The following DGAT1 variants were observed in gnomAD, a reference collection of about 807,000 sequenced individuals.
DGAT1 encodes ACAT related gene product 1.
In DGAT1, 60 loss-of-function variants were observed where a neutral mutation model predicts 72.6. The observed-to-expected ratio is 0.83, with a 90% CI of 0.67 to 1.02. The LOEUF is 1.02. Ranked by LOEUF, DGAT1 falls within the 50% of genes least tolerant of loss-of-function variation. DGAT1 has a pLI of 0.00. For synonymous variants in DGAT1, 290 were observed against 267.5 expected (o/e 1.08, Z -0.82); for missense variants, 592 against 670.0 (o/e 0.88, Z 1.29).
rs548934291 is a variant in DGAT1, at chr8:144,316,287, G to C, written c.*267C>G. The stretch of plus-strand genomic sequence containing the variant: ...GGCCCCAGGCCCCTGGCAGGCTGAA[G>C]AGGTCACTGGACAGCACTTTATTGA... On this transcript the variant is annotated 3_prime_UTR_variant, in exon 17 of 17. Coordinates refer to ENST00000528718, the MANE Select transcript of DGAT1 (RefSeq NM_012079.6). 4.4e-6 allele frequency: 2 copies of C among 454,172 alleles called. No individual in the cohort carries two copies. Among genetic ancestry groups the C allele is most frequent in the African/African-American group, 2.0e-5 (1 of 50,924 alleles). 28.1% of individuals were successfully genotyped at this position (454,172 alleles called of 1,614,324 possible).
Position 144,316,065 on chromosome 8 carries a change from AC to A in DGAT1, c.*488del. 1 of 387,092 alleles carries A rather than the reference AC, an allele frequency of 2.6e-6. No homozygotes were observed. The highest frequency in any genetic ancestry group is 3.6e-6 in the Non-Finnish European group (1 of 279,574). 24.0% of individuals were successfully genotyped at this position (387,092 alleles called of 1,614,324 possible). ...TTCCCGCACACCCAGCAGGAGTAGC[AC>A]CAGGAGAGGACGCCTGAGCTGAGCT... is the stretch of plus-strand genomic sequence containing the variant. On this transcript the variant is annotated 3_prime_UTR_variant, in exon 17 of 17. Coordinates refer to ENST00000528718, the MANE Select transcript of DGAT1 (RefSeq NM_012079.6).
At position 144,317,972 on chromosome 8, in the gene DGAT1, T is replaced by C. The variant is rs146196839; in HGVS notation, c.797A>G (p.Asn266Ser). 1.5e-3 allele frequency: 2,233 copies of C among 1,519,488 alleles called. 11 individuals are homozygous for C. Among genetic ancestry groups the C allele is most frequent in the Middle Eastern group, 0.014 (79 of 5,598 alleles). The allele number at this position is 1,519,488 out of a possible 1,614,324, so 94.1% of individuals were successfully genotyped here. The change falls in exon 9 of 17, where the codon AAC becomes AGC. Residue 266 changes from asparagine to serine, a missense_variant. Asn to Ser is a conservative substitution (Grantham distance 46). Coordinates refer to ENST00000528718, the MANE Select transcript of DGAT1 (RefSeq NM_012079.6). ...CCGGATGCGGGGAGAGCGGGGAAAG[T>C]TGAGCTCGTAGCACAAGGTGGGGGC... is the stretch of plus-strand genomic sequence containing the variant. Reference protein sequence around the residue: ...LFAPTLCYELNFPRSPRIRKR... With the variant: ...LFAPTLCYELSFPRSPRIRKR...
At position 144,317,126 on chromosome 8, in the gene DGAT1, A is replaced by G. The variant is rs782436476; in HGVS notation, c.1161-17T>C. 3.7e-6 allele frequency: 6 copies of G among 1,612,644 alleles called. No homozygotes were observed. In the East Asian group the frequency reaches 6.7e-5, roughly 18 times the overall value. On this transcript the variant is annotated splice_polypyrimidine_tract_variant and intron_variant, in intron 14 of 16. Coordinates refer to ENST00000528718, the MANE Select transcript of DGAT1 (RefSeq NM_012079.6). ...TAGAAGTGTCTGCAGAGGAGGGGGC[A>G]TGGAAAGCGGTTCAGGTTCACAGCC...
At chr8:144,321,783 C>T (rs1052338428) in intron 1 of DGAT1, among the ~76,000 whole-genome samples, 14 of 152,380 alleles carry the variant, frequency 9.2e-5, no homozygotes, top group Middle Eastern at 3.4e-3. Flanking sequence ...CAGGGTCCAA[C>T]CTGGGGATGG....
rs1554848824 is a variant in DGAT1, at chr8:144,326,608, C to A, written c.29G>T (p.Arg10Leu). ...GCTCGAGGGCCGCGACCCTGTCCTC[C>A]GGCGCCGGGAGCTGCCGCGGTCGCC... MGDRGSSRR[R>L]RTGSRPSSHG... The change falls in exon 1 of 17, where the codon CGG (arginine) becomes CTG (leucine). Residue 10 changes from arginine (R) to leucine (L), a missense_variant. By Grantham distance (102) the Arg-to-Leu change is moderately radical. Coordinates refer to ENST00000528718, the MANE Select transcript of DGAT1 (RefSeq NM_012079.6). The A allele has an allele frequency of 8.2e-7, 1 of 1,212,460 alleles. No homozygotes were observed. Among genetic ancestry groups the A allele is most frequent in the Admixed American group, 4.4e-5 (1 of 22,628 alleles). The allele number at this position is 1,212,460 out of a possible 1,614,324, so 75.1% of individuals were successfully genotyped here.
At chr8:144,324,688 G>C (rs1817550018) in intron 1 of DGAT1, among the ~76,000 whole-genome samples, 1 of 152,184 alleles carries the variant, frequency 6.6e-6, no homozygotes, top group Admixed American at 6.5e-5. Flanking sequence ...GGTTTGCAAA[G>C]CAAGAAGGTG....
rs1463166904 is a variant in DGAT1, at chr8:144,315,316, C to T, written c.*1238G>A. On this transcript the variant is annotated 3_prime_UTR_variant, in exon 17 of 17. Transcript: ENST00000528718. ...GCAGGGCCCAAGGAGATGCCTCCATCTCAGGGCCCACCAGCCCCCACTGGG... is the reference window on the plus strand; with the variant it reads ...GCAGGGCCCAAGGAGATGCCTCCATTTCAGGGCCCACCAGCCCCCACTGGG... The T allele has an allele frequency of 1.1e-5, 11 of 985,488 alleles. No individual in the cohort carries two copies. Among genetic ancestry groups the T allele is most frequent in the Non-Finnish European group, 1.3e-5 (11 of 829,968 alleles). The allele number at this position is 985,488 out of a possible 1,614,324, so 61.0% of individuals were successfully genotyped here.
intron 4 of DGAT1, 27 bp from the exon 5 acceptor site, chr8:144,318,778 G>C (rs1554847739): frequency 6.2e-7 from 1 of 1,607,078 alleles, no homozygotes; most frequent in Non-Finnish European, 8.5e-7. Flanking sequence ...CAAGGGGCAG[G>C]TTTAGGGCCA....
At chr8:144,319,898 G>A (rs1313051135) in intron 2 of DGAT1, among the ~76,000 whole-genome samples, 1 of 152,206 alleles carries the variant, frequency 6.6e-6, no homozygotes, top group Non-Finnish European at 1.5e-5. Context: ...ACTGGTGCTG[G>A]GGAAAAGGGT....
Position 144,316,596 on chromosome 8 carries a change from G to C in DGAT1, c.1425C>G (p.Asp475Glu), listed in dbSNP as rs1031073510. Residue 475 changes from aspartate to glutamate, a missense_variant, in exon 17 of 17, where the codon GAC becomes GAG. Transcript: ENST00000528718. ...GGGCCTCATAGTTGAGCACGTAGTA[G>C]TCGTGGACGTACATGAGGACGGCTA... ...QPIAVLMYVHDYYVLNYEAPA... is the reference protein window; with the variant it reads ...QPIAVLMYVHEYYVLNYEAPA... The C allele has an allele frequency of 1.2e-6, 2 of 1,605,620 alleles. No individual in the cohort carries two copies. The highest frequency in any genetic ancestry group is 1.1e-5 in the South Asian group (1 of 89,570).
intron 1 of DGAT1, among the ~76,000 whole-genome samples, chr8:144,323,376 G>A (rs1268662066): frequency 6.6e-6 from 1 of 152,060 alleles, no homozygotes; most frequent in African/African-American, 2.4e-5. Context: ...GCCCTTCACA[G>A]GCCTGACCAG....
Position 144,315,641 on chromosome 8 carries a change from A to T in DGAT1, c.*913T>A. On this transcript the variant is annotated 3_prime_UTR_variant, in exon 17 of 17. Transcript: ENST00000528718. The stretch of plus-strand genomic sequence containing the variant: ...AGCTTGGTGGATTGCAGGGCCTGGG[A>T]ACAAGGTGTCCTGAAGGCTGCAGGG... 4.1e-6 allele frequency: 4 copies of T among 983,982 alleles called. No homozygotes were observed. In the South Asian group the frequency reaches 1.9e-4, roughly 46 times the overall value. The allele number at this position is 983,982 out of a possible 1,614,324, so 61.0% of individuals were successfully genotyped here. A position where few individuals can be genotyped will look rare whatever the true frequency, so the allele number is the denominator to read the frequency against.
At position 144,317,979 on chromosome 8, in the gene DGAT1, C is replaced by T. The variant is rs1342245507; in HGVS notation, c.790G>A (p.Glu264Lys). 4.0e-6 allele frequency: 6 copies of T among 1,518,900 alleles called. No individual in the cohort carries two copies. The highest frequency in any genetic ancestry group is 2.8e-5 in the African/African-American group (2 of 71,696). 94.1% of individuals were successfully genotyped at this position (1,518,900 alleles called of 1,614,324 possible). Reference protein sequence around the residue: ...YFLFAPTLCYELNFPRSPRIR... With the variant: ...YFLFAPTLCYKLNFPRSPRIR... ...CGGGGAGAGCGGGGAAAGTTGAGCT[C>T]GTAGCACAAGGTGGGGGCGAAGAGG... The change falls in exon 9 of 17, where the codon GAG becomes AAG. Residue 264 changes from glutamate to lysine, a missense_variant. Transcript: ENST00000528718.
Position 144,318,457 on chromosome 8 carries a change from G to A in DGAT1, c.574+4C>T, listed in dbSNP as rs541401684. 1.9e-5 allele frequency: 31 copies of A among 1,610,006 alleles called. No individual in the cohort carries two copies. The highest frequency in any genetic ancestry group is 1.7e-4 in the Middle Eastern group (1 of 6,060). ...CAGATGGGCAGGGTGGGATGGGGGC[G>A]CACCTGGAGTGATAGACTCAACCAG... On this transcript the variant is annotated splice_donor_region_variant and intron_variant, in intron 6 of 16. Transcript: ENST00000528718.
chr8:144,316,805 G>C (rs1817241986), intron 16 of DGAT1, 48 bp downstream of exon 16: 1 of 1,599,002 alleles, frequency 6.3e-7, no homozygotes, highest in Non-Finnish European at 8.5e-7. Context: ...GAGGGGTTCA[G>C]GTGCGGGGTA....
Position 144,326,536 on chromosome 8 carries a change from G to C in DGAT1, c.101C>G (p.Ala34Gly). 1 of 1,270,638 alleles carries C rather than the reference G, an allele frequency of 7.9e-7. No individual in the cohort carries two copies. 78.7% of individuals were successfully genotyped at this position (1,270,638 alleles called of 1,614,324 possible). A position where few individuals can be genotyped will look rare whatever the true frequency, so the allele number is the denominator to read the frequency against. The change falls in exon 1 of 17, where the codon GCC (alanine) becomes GGC (glycine). Residue 34 changes from alanine (A) to glycine (G), a missense_variant. Coordinates refer to ENST00000528718, the MANE Select transcript of DGAT1 (RefSeq NM_012079.6). Reference protein sequence around the residue: ...PAAAEEEVRDAAAGPDVGAAG... With the variant: ...PAAAEEEVRDGAAGPDVGAAG... ...GGCTCCCACGTCGGGGCCCGCAGCG[G>C]CGTCCCGCACCTCCTCTTCCGCCGC...
intron 16 of DGAT1, 44 bp downstream of exon 16, chr8:144,316,809 C>T (rs374984159): frequency 6.1e-5 from 98 of 1,598,806 alleles, no homozygotes; most frequent in Middle Eastern, 5.0e-4. Flanking sequence ...GGTTCAGGTG[C>T]GGGGTAACTG....
At position 144,317,990 on chromosome 8, in the gene DGAT1, G is replaced by T. The variant is rs782187728; in HGVS notation, c.779C>A (p.Thr260Asn). The change falls in exon 9 of 17, where the codon ACC becomes AAC. Residue 260 changes from threonine to asparagine, a missense_variant. Physicochemically the swap from Thr to Asn is moderately conservative, Grantham distance 65. Transcript: ENST00000528718. ...GGGAAAGTTGAGCTCGTAGCACAAG[G>T]TGGGGGCGAAGAGGAAGTAGTAGAG... The part of the protein sequence containing the change: ...RDLYYFLFAP[T>N]LCYELNFPRS... 1.2e-5 allele frequency: 18 copies of T among 1,519,646 alleles called. No homozygotes were observed. The highest frequency in any genetic ancestry group is 1.5e-5 in the Non-Finnish European group (17 of 1,136,300). The allele number at this position is 1,519,646 out of a possible 1,614,324, so 94.1% of individuals were successfully genotyped here. A position where few individuals can be genotyped will look rare whatever the true frequency, so the allele number is the denominator to read the frequency against.
rs1554847595 is a variant in DGAT1, at chr8:144,318,375, T to C, written c.575-13A>G. ...AGCAGGGAGCCCACTGCAGGAGAGG[T>C]GGACTCAGGCCTCCACAGCGCCACA... On this transcript the variant is annotated splice_polypyrimidine_tract_variant and intron_variant, in intron 6 of 16. Coordinates refer to ENST00000528718, the MANE Select transcript of DGAT1 (RefSeq NM_012079.6). 2 of 1,609,216 alleles carry C rather than the reference T, an allele frequency of 1.2e-6. No individual in the cohort carries two copies. The highest frequency in any genetic ancestry group is 3.4e-5 in the Admixed American group (2 of 59,686).
Sources: allele counts gnomAD v4.1 joint callset (sites outside exome capture counted in the v4.1 genomes callset), GRCh38; gene constraint gnomAD v4.1.1; transcripts MANE v1.5; gene names NCBI Gene and HGNC (gene_info 2026-07-23, HGNC 2026-07-21).